The following PXDC1 variants were observed in gnomAD, a reference collection of about 807,000 sequenced individuals.
PXDC1 encodes the protein PX domain-containing protein 1.
PXDC1 carries 13 observed loss-of-function variants against 24.4 expected under a neutral mutation model. That is an observed-to-expected ratio of 0.53 (90% CI 0.35 to 0.85). The LOEUF (loss-of-function observed/expected upper bound fraction) is 0.85, where lower values mean the gene tolerates loss of function less well. Ranked by LOEUF, PXDC1 falls within the 40% of genes least tolerant of loss-of-function variation. The probability of loss-of-function intolerance (pLI) is 0.01; values close to 1 mark genes in which losing one functional copy is unlikely to be tolerated. For missense variants in PXDC1, 344 were observed against 309.3 expected, an observed-to-expected ratio of 1.11 and a Z score of -0.84; for synonymous variants, 162 against 124.9, an observed-to-expected ratio of 1.30 and a Z score of -1.98.
chr6:3,740,065 G>A (rs568747469), intron 1 of PXDC1, among the ~76,000 whole-genome samples: 1 of 152,328 alleles, frequency 6.6e-6, no homozygotes, highest in East Asian at 1.9e-4. Context: ...TTGATCAAAT[G>A]AATGACATAC....
chr6:3,745,299 C>T (rs1760540953), intron 1 of PXDC1, among the ~76,000 whole-genome samples: 1 of 152,246 alleles, frequency 6.6e-6, no homozygotes, highest in Non-Finnish European at 1.5e-5. Context: ...TCCCGCAGAC[C>T]ACTGTCATCA....
chr6:3,738,965 C>T (rs1433763542), intron 1 of PXDC1: 6 of 1,293,786 alleles, frequency 4.6e-6, no homozygotes, highest in South Asian at 3.7e-5. Context: ...CTGATGCAAA[C>T]GTGCCTGTGA....
intron 3 of PXDC1, among the ~76,000 whole-genome samples, chr6:3,733,180 C>T (rs917678920): frequency 4.8e-4 from 73 of 152,228 alleles, no homozygotes; most frequent in African/African-American, 1.7e-3. Flanking sequence ...GCTCAGTCCT[C>T]GGGTTCATAT....
At position 3,723,624 on chromosome 6, in the gene PXDC1, C is replaced by T. The variant is rs200726599; in HGVS notation, c.691G>A (p.Asp231Asn). 6.2e-6 allele frequency: 10 copies of T among 1,613,132 alleles called. No individual in the cohort carries two copies. The East Asian group carries it at 2.2e-4, about 36-fold the overall frequency. ...HLVPFETDIW[D>N] ...GGGAGGCCTGATAGAGAGGTTCAGT[C>T]CCAAATGTCTGTCTCGAAGGGGACC... Residue 231 changes from aspartate to asparagine, a missense_variant, in exon 5 of 5, where the codon GAC (aspartate) becomes AAC (asparagine). Coordinates refer to ENST00000380283, the MANE Select transcript of PXDC1 (RefSeq NM_183373.4).
At chr6:3,736,084 C>T (rs768906173) in intron 3 of PXDC1, among the ~76,000 whole-genome samples, 2 of 152,158 alleles carry the variant, frequency 1.3e-5, no homozygotes, top group Non-Finnish European at 2.9e-5. Flanking sequence ...TGTGCTGTGG[C>T]CCATAATCAG....
chr6:3,727,704 G>C, intron 3 of PXDC1, 42 bp from the exon 4 acceptor site: 1 of 1,369,580 alleles, frequency 7.3e-7, no homozygotes, highest in South Asian at 1.2e-5. Flanking sequence ...GGAGGGGTCG[G>C]AGCTTGAGGT....
intron 3 of PXDC1, among the ~76,000 whole-genome samples, chr6:3,732,755 T>C (rs1760228970): frequency 6.6e-6 from 1 of 151,978 alleles, no homozygotes; most frequent in African/African-American, 2.4e-5. Context: ...AACTAAACGA[T>C]CCTAGAAAAG....
intron 3 of PXDC1, among the ~76,000 whole-genome samples, chr6:3,736,388 AG>A (rs1187379379): frequency 6.6e-6 from 1 of 152,036 alleles, no homozygotes; most frequent in Non-Finnish European, 1.5e-5. Flanking sequence ...CCTGTCCACC[AG>A]GCAAGATCGC....
At chr6:3,730,334 A>G (rs1760167686) in intron 3 of PXDC1, among the ~76,000 whole-genome samples, 1 of 152,214 alleles carries the variant, frequency 6.6e-6, no homozygotes. Context: ...GGGTTCAGAA[A>G]GGGATGGTTT....
At chr6:3,734,323 C>G (rs1760268338) in intron 3 of PXDC1, among the ~76,000 whole-genome samples, 1 of 152,134 alleles carries the variant, frequency 6.6e-6, no homozygotes, top group South Asian at 2.1e-4. Context: ...CTATCCCTCT[C>G]ACTCGGGGGC....
Position 3,737,261 on chromosome 6 carries a change from C to G in PXDC1, c.349-65G>C. On this transcript the variant is annotated intron_variant, in intron 2 of 4. Transcript: ENST00000380283. The surrounding 1 kb of genome is among the most constrained non-coding windows in gnomAD (Gnocchi z 5.5). ...CTACACGTTGGCCCTGTCTGTCTAC[C>G]AAGAGAGGGCCCCGCTCCTCCGCAG... 2 of 1,116,298 alleles carry G rather than the reference C, an allele frequency of 1.8e-6. No homozygotes were observed. The highest frequency in any genetic ancestry group is 2.7e-6 in the Non-Finnish European group (2 of 732,926). The allele number at this position is 1,116,298 out of a possible 1,614,324, so 69.1% of individuals were successfully genotyped here.
chr6:3,736,476 A>C (rs1760319328), intron 3 of PXDC1, among the ~76,000 whole-genome samples: 1 of 152,222 alleles, frequency 6.6e-6, no homozygotes, highest in South Asian at 2.1e-4. Context: ...CTCCCAGGAC[A>C]GACCTCTTTT....
rs1328184868 is a variant in PXDC1 at position 3,751,255 on chromosome 6, CCCGCGTCCCCGG to C, written c.256+9_256+20del. ...AAGGCTGCCTCGGCCCCGCGCCCCTCCCGCGTCCCCGGCCCCGCACCTTGCCGCAGCGGCCCC... is the reference window on the plus strand; with the variant it reads ...AAGGCTGCCTCGGCCCCGCGCCCCTCCCCCGCACCTTGCCGCAGCGGCCCC... On this transcript the variant is annotated intron_variant, in intron 1 of 4. Coordinates refer to ENST00000380283, the MANE Select transcript of PXDC1 (RefSeq NM_183373.4). The C allele has an allele frequency of 1.4e-6, 2 of 1,451,726 alleles. No homozygotes were observed. Among genetic ancestry groups the C allele is most frequent in the African/African-American group, 3.0e-5 (2 of 67,268 alleles). The allele number at this position is 1,451,726 out of a possible 1,614,324, so 89.9% of individuals were successfully genotyped here.
intron 3 of PXDC1, among the ~76,000 whole-genome samples, chr6:3,730,647 A>G (rs1036005406): frequency 2.0e-5 from 3 of 152,214 alleles, no homozygotes; most frequent in Non-Finnish European, 4.4e-5. Context: ...AGATATTTAC[A>G]TGGGAGTTGA....
intron 3 of PXDC1, among the ~76,000 whole-genome samples, chr6:3,730,088 G>A (rs1022487357): frequency 2.0e-5 from 3 of 152,184 alleles, no homozygotes; most frequent in African/African-American, 7.2e-5. Context: ...GGCCCTGAAG[G>A]ACACTAAGGT....
intron 1 of PXDC1, among the ~76,000 whole-genome samples, chr6:3,745,225 G>A (rs1760539479): frequency 6.6e-6 from 1 of 152,236 alleles, no homozygotes; most frequent in African/African-American, 2.4e-5. Context: ...GAAGAGGGCG[G>A]GCACATGAGT....
rs1760040562 is a variant in PXDC1, at chr6:3,725,413, C to CTCTCTTCG, written c.579-1678_579-1677insCGAAGAGA. Among the ~76,000 whole-genome samples the CTCTCTTCG allele has an allele frequency of 6.6e-6, 1 of 152,240 alleles. No homozygotes were observed. The highest frequency in any genetic ancestry group is 2.1e-4 in the South Asian group (1 of 4,834). On this transcript the variant is annotated intron_variant, in intron 4 of 4. Transcript: ENST00000380283. The surrounding 1 kb of genome is among the most constrained non-coding windows in gnomAD (Gnocchi z 4.8). ...ATCCCTTCGCCAGCTGAGACTGTCA[C>CTCTCTTCG]CTGCAGAGCCCCAGAAGTCCCCACT... is the stretch of plus-strand genomic sequence containing the variant.
intron 1 of PXDC1, chr6:3,739,135 A>C: frequency 1.7e-6 from 2 of 1,169,762 alleles, no homozygotes; most frequent in African/African-American, 3.2e-5. Flanking sequence ...AAGCCTGTTC[A>C]GTTTTCAAGC....
chr6:3,744,970 G>A (rs1760533006), intron 1 of PXDC1, among the ~76,000 whole-genome samples: 1 of 152,220 alleles, frequency 6.6e-6, no homozygotes, highest in Non-Finnish European at 1.5e-5. Flanking sequence ...AAAGTGCTGG[G>A]CTTACAGGCG....
Sources: gnomAD v4.1 joint callset for allele counts (sites outside exome capture counted in the v4.1 genomes callset) on GRCh38, gnomAD v4.1.1 for gene constraint, Gnocchi (gnomAD v3.1) non-coding constraint, MANE v1.5 for transcripts, NCBI Gene and HGNC (gene_info 2026-07-23, HGNC 2026-07-21) for gene names.